ZNF469: variants seen among roughly 807,000 people sequenced by gnomAD.
ZNF469 encodes zinc finger protein 469.
A neutral mutation model predicts 1.0 loss-of-function variants in ZNF469; 1 was observed. The ratio of observed to expected loss-of-function variants is 1.00; its 90% CI spans 0.35 to 4.73. The LOEUF (loss-of-function observed/expected upper bound fraction) is 4.73, where lower values mean the gene tolerates loss of function less well. Ranked by LOEUF, ZNF469 falls within the 30% of genes most tolerant of loss-of-function variation. The pLI is 0.16. For synonymous variants in ZNF469, 2,703 were observed against 2,363.4 expected (o/e 1.14, Z -4.17); for missense variants, 6,100 against 5,356.3 (o/e 1.14, Z -4.33).
the ZNF469 span, among the ~76,000 whole-genome samples, chr16:88,157,527 G>A: frequency 6.6e-6 from 1 of 152,092 alleles, no homozygotes; most frequent in African/African-American, 2.4e-5. Flanking sequence ...GTGAGGGTGG[G>A]ACAGCACCCA....
At chr16:88,325,160 C>CAGCAGCTGTGAT in the ZNF469 span, among the ~76,000 whole-genome samples, 3 of 113,670 alleles carry the variant, frequency 2.6e-5, no homozygotes, top group South Asian at 2.8e-4. Flanking sequence ...GCAGCTGCGA[C>CAGCAGCTGTGAT]ATACACAGGG....
chr16:88,204,600 T>C, the ZNF469 span, among the ~76,000 whole-genome samples: 624 of 152,310 alleles, frequency 4.1e-3, 9 homozygotes, highest in African/African-American at 0.014. Flanking sequence ...GAGATACTTT[T>C]CAAAATGGTT....
the ZNF469 span, among the ~76,000 whole-genome samples, chr16:88,247,472 G>GTGAA: frequency 2.3e-5 from 3 of 132,246 alleles, no homozygotes; most frequent in Admixed American, 7.2e-5. Context: ...GAATGAATGA[G>GTGAA]TGAGTGAATG....
the ZNF469 span, among the ~76,000 whole-genome samples, chr16:88,243,914 A>G: frequency 2.0e-5 from 1 of 48,954 alleles, no homozygotes; most frequent in Non-Finnish European, 3.7e-5. Flanking sequence ...CTGGATGCAT[A>G]TATATATATA....
the ZNF469 span, among the ~76,000 whole-genome samples, chr16:88,141,951 C>T: frequency 6.6e-6 from 1 of 152,206 alleles, no homozygotes; most frequent in Non-Finnish European, 1.5e-5. Flanking sequence ...AGAATGCATT[C>T]GTGTTGTTTC....
chr16:88,367,813 G>A, the ZNF469 span, among the ~76,000 whole-genome samples: 4 of 152,062 alleles, frequency 2.6e-5, no homozygotes, highest in African/African-American at 9.7e-5. Context: ...ACAATTCCAC[G>A]AAGAGACCAG....
At chr16:88,242,439 C>T in the ZNF469 span, among the ~76,000 whole-genome samples, 1 of 152,170 alleles carries the variant, frequency 6.6e-6, no homozygotes, top group East Asian at 1.9e-4. Context: ...CCTCACTTGG[C>T]CATCCCTCTG....
chr16:88,216,493 CAAA>C, the ZNF469 span, among the ~76,000 whole-genome samples: 6 of 136,634 alleles, frequency 4.4e-5, no homozygotes, highest in Admixed American at 7.3e-5. Context: ...GACTCCGTCT[CAAA>C]AAAAAAAAAA....
chr16:88,100,938 A>G, the ZNF469 span: 2 of 288,828 alleles, frequency 6.9e-6, no homozygotes, highest in Non-Finnish European at 1.3e-5. Context: ...GCCAGTGCGC[A>G]GAGACGCAGC....
At chr16:88,166,175 ATACAG>A in the ZNF469 span, among the ~76,000 whole-genome samples, 8 of 152,150 alleles carry the variant, frequency 5.3e-5, no homozygotes, top group African/African-American at 1.9e-4. This position sits in a 1 kb window ranked among gnomAD's most constrained non-coding sequence, Gnocchi z 4.5. Context: ...AAGTTCAAAC[ATACAG>A]TAAAGTTGAA....
the ZNF469 span, among the ~76,000 whole-genome samples, chr16:88,355,004 G>C: frequency 6.6e-6 from 1 of 151,872 alleles, no homozygotes; most frequent in Non-Finnish European, 1.5e-5. Flanking sequence ...CCCGCTAGGG[G>C]AAGAGCACAG....
chr16:88,174,822 G>C, the ZNF469 span, among the ~76,000 whole-genome samples: 9 of 152,044 alleles, frequency 5.9e-5, no homozygotes, highest in African/African-American at 1.9e-4. Flanking sequence ...TCTGTTATTG[G>C]TAAGGCTACT....
chr16:88,205,763 AAGC>A, the ZNF469 span, among the ~76,000 whole-genome samples: 2 of 152,064 alleles, frequency 1.3e-5, no homozygotes, highest in African/African-American at 2.4e-5. This position sits in a 1 kb window ranked among gnomAD's most constrained non-coding sequence, Gnocchi z 4.2. Context: ...TATGGGGAGG[AAGC>A]TGGGTTTTCT....
the ZNF469 span, among the ~76,000 whole-genome samples, chr16:88,220,728 T>C: frequency 0.33 from 49,789 of 151,490 alleles, 8,546 homozygotes; most frequent in South Asian, 0.4. Context: ...GAGTCTGTGG[T>C]TCCAGGGCCT....
At chr16:88,321,573 G>A in the ZNF469 span, among the ~76,000 whole-genome samples, 22 of 152,054 alleles carry the variant, frequency 1.4e-4, 1 homozygote, top group South Asian at 1.5e-3. Context: ...TGTGGCCCTC[G>A]GATTCTGCTC....
chr16:88,310,008 C>A, the ZNF469 span, among the ~76,000 whole-genome samples: 90 of 152,262 alleles, frequency 5.9e-4, 1 homozygote, highest in South Asian at 0.018. Flanking sequence ...AAAACCCTTC[C>A]TAGAATCAGA....
At position 88,432,267 on chromosome 16, in the gene ZNF469, C is replaced by T. The variant is rs548676256; in HGVS notation, c.4797C>T (p.Leu1599=). The change falls in exon 3 of 3, where the codon CTC becomes CTT. Residue 1599 remains leucine, a synonymous_variant. Coordinates refer to ENST00000565624, the MANE Select transcript of ZNF469 (RefSeq NM_001367624.2). ...CTGAGTCGGTGGGCAGGGTGGAGCT[C>T]GGCACAGGCACAGAGCCACCCTCCC... ...AEAESVGRVE[L]GTGTEPPSQR... 32 of 1,547,626 alleles carry T rather than the reference C, an allele frequency of 2.1e-5. No individual in the cohort carries two copies. In the East Asian group the frequency reaches 3.4e-4, roughly 17 times the overall value.
the ZNF469 span, among the ~76,000 whole-genome samples, chr16:88,246,695 C>A: frequency 6.6e-6 from 1 of 152,136 alleles, no homozygotes; most frequent in African/African-American, 2.4e-5. Context: ...TGAGAACCAC[C>A]GCTTTAGGGA....
chr16:88,316,082 G>A, the ZNF469 span, among the ~76,000 whole-genome samples: 1 of 152,208 alleles, frequency 6.6e-6, no homozygotes, highest in Non-Finnish European at 1.5e-5. Context: ...ACAGCCCCGG[G>A]TGGGCAGAGA....
Sources: gnomAD v4.1 joint callset for allele counts (sites outside exome capture counted in the v4.1 genomes callset) on GRCh38, gnomAD v4.1.1 for gene constraint, Gnocchi (gnomAD v3.1) non-coding constraint, MANE v1.5 for transcripts, NCBI Gene and HGNC (gene_info 2026-07-23, HGNC 2026-07-21) for gene names.